PGM5: variants seen among roughly 807,000 people sequenced by gnomAD.
The protein encoded by PGM5 is phosphoglucomutase 5, also known as phosphoglucomutase-like protein 5.
Under a neutral mutation model 59.2 loss-of-function variants are expected in PGM5, and 23 were observed. The ratio of observed to expected loss-of-function variants is 0.39; its 90% CI spans 0.28 to 0.55. The LOEUF is 0.55. Among genes scored for constraint, PGM5 ranks in the 20% least tolerant of loss-of-function variants. The pLI, the probability that PGM5 is intolerant of heterozygous loss-of-function variation, is 0.66. For missense variants in PGM5, 574 were observed against 748.3 expected, an observed-to-expected ratio of 0.77 and a Z score of 2.72; for synonymous variants, 214 against 286.0, an observed-to-expected ratio of 0.75 and a Z score of 2.54.
intron 6 of PGM5, among the ~76,000 whole-genome samples, chr9:68,461,066 C>T (rs1420996564): frequency 6.6e-6 from 1 of 152,142 alleles, no homozygotes; most frequent in Non-Finnish European, 1.5e-5. Flanking sequence ...TGTATAACCA[C>T]TCAAACACAT....
intron 1 of PGM5, among the ~76,000 whole-genome samples, chr9:68,375,740 G>T (rs1554677559): frequency 6.6e-6 from 1 of 152,202 alleles, no homozygotes; most frequent in African/African-American, 2.4e-5. Context: ...GAAAATTATA[G>T]CAGGGTGAAG....
intron 6 of PGM5, among the ~76,000 whole-genome samples, chr9:68,408,508 C>T (rs1164888922): frequency 6.6e-5 from 10 of 152,226 alleles, no homozygotes; most frequent in Non-Finnish European, 1.0e-4. Context: ...CGAAAATTTT[C>T]TCCCATTTTG....
intron 2 of PGM5, among the ~76,000 whole-genome samples, chr9:68,379,290 G>T (rs1422266430): frequency 6.6e-6 from 1 of 152,128 alleles, no homozygotes; most frequent in Non-Finnish European, 1.5e-5. Flanking sequence ...CACTGAGTTT[G>T]CATGAATGTG....
chr9:68,372,978 C>T (rs146776784), intron 1 of PGM5, among the ~76,000 whole-genome samples: 1,676 of 152,126 alleles, frequency 0.011, 14 homozygotes, highest in Non-Finnish European at 0.016. Context: ...TGGGCCCCAC[C>T]GCTAACACTG....
chr9:68,526,919 T>C (rs1036969088), intron 10 of PGM5, among the ~76,000 whole-genome samples: 1 of 152,354 alleles, frequency 6.6e-6, no homozygotes, highest in South Asian at 2.1e-4. Context: ...ATTAGTACAA[T>C]AGGCATTAAC....
At chr9:68,374,728 A>AT (rs578221287) in intron 1 of PGM5, among the ~76,000 whole-genome samples, 115 of 151,916 alleles carry the variant, frequency 7.6e-4, no homozygotes, top group African/African-American at 2.5e-3. Flanking sequence ...TCATTCATTT[A>AT]TTTTTTCCCA....
chr9:68,515,442 CA>C (rs782087986), intron 10 of PGM5, among the ~76,000 whole-genome samples: 1 of 152,198 alleles, frequency 6.6e-6, no homozygotes, highest in African/African-American at 2.4e-5. Context: ...CAGCTTTGCT[CA>C]ATGTGGAAGT....
chr9:68,449,521 A>C (rs1823663214), intron 6 of PGM5, among the ~76,000 whole-genome samples: 1 of 152,254 alleles, frequency 6.6e-6, no homozygotes, highest in African/African-American at 2.4e-5. Flanking sequence ...CCCCATGGTC[A>C]GAGAGCTTTC....
chr9:68,487,050 CTA>C (rs1824307372), intron 9 of PGM5, among the ~76,000 whole-genome samples: 1 of 152,168 alleles, frequency 6.6e-6, no homozygotes, highest in Admixed American at 6.5e-5. Flanking sequence ...AGAAACAGAA[CTA>C]TATCTCTCTG....
intron 2 of PGM5, among the ~76,000 whole-genome samples, chr9:68,381,391 G>A (rs1334504832): frequency 1.3e-5 from 2 of 151,726 alleles, no homozygotes; most frequent in African/African-American, 2.4e-5. Flanking sequence ...AATAAAGGTC[G>A]TTTATAAGAA....
chr9:68,522,686 C>T lies in PGM5; in HGVS notation c.1615-6881C>T, dbSNP rs113317749. On this transcript the variant is annotated intron_variant, in intron 10 of 10. Coordinates refer to ENST00000396396, the MANE Select transcript of PGM5 (RefSeq NM_021965.4). The stretch of plus-strand genomic sequence containing the variant: ...TTGCTTAAAATTTTTGATTTTAATA[C>T]GCAAAGAGACCAAAGTTAGCTCAAG... Among the ~76,000 whole-genome samples, 565 of 152,160 alleles carry T rather than the reference C, an allele frequency of 3.7e-3. 2 individuals are homozygous for T. Among genetic ancestry groups the T allele is most frequent in the African/African-American group, 0.012 (488 of 41,508 alleles).
chr9:68,436,873 A>G (rs1823450172), intron 6 of PGM5, among the ~76,000 whole-genome samples: 1 of 152,202 alleles, frequency 6.6e-6, no homozygotes, highest in African/African-American at 2.4e-5. Flanking sequence ...CAAGCTTTTT[A>G]CCCTCTACCA....
intron 6 of PGM5, among the ~76,000 whole-genome samples, chr9:68,401,889 A>ATGTG (rs1327827891): frequency 2.9e-3 from 27 of 9,302 alleles, no homozygotes; most frequent in African/African-American, 6.6e-3. Flanking sequence ...ATATATATAT[A>ATGTG]TGTGTGTGTG....
chr9:68,392,084 G>T (rs2132011233), intron 5 of PGM5, among the ~76,000 whole-genome samples: 1 of 152,168 alleles, frequency 6.6e-6, no homozygotes, highest in Non-Finnish European at 1.5e-5. Flanking sequence ...AGGTATTTGG[G>T]GACTTCTAAA....
intron 2 of PGM5, among the ~76,000 whole-genome samples, chr9:68,383,013 A>C (rs1822115508): frequency 6.6e-6 from 1 of 152,020 alleles, no homozygotes; most frequent in Non-Finnish European, 1.5e-5. Context: ...AAACAAGACT[A>C]CCTATTCTTT....
intron 10 of PGM5, among the ~76,000 whole-genome samples, chr9:68,518,535 C>T (rs1289611731): frequency 1.3e-5 from 2 of 152,112 alleles, no homozygotes; most frequent in Admixed American, 6.5e-5. Context: ...AATGTAAAAA[C>T]ATCAGCAAAT....
At chr9:68,363,277 C>T (rs1434653524) in intron 1 of PGM5, among the ~76,000 whole-genome samples, 146 of 151,930 alleles carry the variant, frequency 9.6e-4, no homozygotes, top group African/African-American at 3.1e-3. Flanking sequence ...TCTGCATTGT[C>T]CCAGCCACTA....
At chr9:68,458,803 G>A (rs888299355) in intron 6 of PGM5, among the ~76,000 whole-genome samples, 1 of 152,182 alleles carries the variant, frequency 6.6e-6, no homozygotes, top group African/African-American at 2.4e-5. Flanking sequence ...GAAAGTGTGA[G>A]TTGTTCCATC....
intron 6 of PGM5, among the ~76,000 whole-genome samples, chr9:68,427,714 T>G (rs1823261906): frequency 6.6e-6 from 1 of 152,224 alleles, no homozygotes; most frequent in South Asian, 2.1e-4. Context: ...AAGTTTTCCT[T>G]GGCCTCAGAC....
Sources: gnomAD v4.1 joint callset for allele counts (sites outside exome capture counted in the v4.1 genomes callset) on GRCh38, gnomAD v4.1.1 for gene constraint, MANE v1.5 for transcripts, NCBI Gene and HGNC (gene_info 2026-07-23, HGNC 2026-07-21) for gene names.